Variants in TTC28 observed in about 807,000 individuals in gnomAD.
TTC28 encodes the protein tetratricopeptide repeat domain 28, also known as tetratricopeptide repeat protein 28.
In TTC28, 61 loss-of-function variants were observed where a neutral mutation model predicts 198.0. The ratio of observed to expected loss-of-function variants is 0.31; its 90% CI spans 0.25 to 0.38. The LOEUF (loss-of-function observed/expected upper bound fraction) is 0.38, where lower values mean the gene tolerates loss of function less well. TTC28 is among the 10% of genes least tolerant of loss of function. TTC28 has a pLI of 1.00. For missense variants in TTC28, 2,678 were observed against 3,164.0 expected, an observed-to-expected ratio of 0.85 and a Z score of 3.69; for synonymous variants, 1,171 against 1,297.8, an observed-to-expected ratio of 0.90 and a Z score of 2.10.
At chr22:28,112,713 C>T (rs1942519922) in intron 6 of TTC28, among the ~76,000 whole-genome samples, 1 of 152,196 alleles carries the variant, frequency 6.6e-6, no homozygotes, top group Non-Finnish European at 1.5e-5. Flanking sequence ...AGATAATCTG[C>T]AGATCCTCCT....
At position 28,154,321 on chromosome 22, in the gene TTC28, ATT is replaced by A. The variant is rs10537660; in HGVS notation, c.1441+8769_1441+8770del. Reference sequence around the variant, plus strand: ...TTTGAACATAAAAGAAAAGATGGCCATTTTTTTTTTTTTCTTTTCTTTTCTTT... The same window carrying A: ...TTTGAACATAAAAGAAAAGATGGCCATTTTTTTTTTTCTTTTCTTTTCTTT... On this transcript the variant is annotated intron_variant, in intron 6 of 22. Coordinates refer to ENST00000397906, the MANE Select transcript of TTC28 (RefSeq NM_001145418.2). Among the ~76,000 whole-genome samples, 389 of 137,374 alleles carry A rather than the reference ATT, an allele frequency of 2.8e-3. 3 individuals are homozygous for A. The highest frequency in any genetic ancestry group is 0.014 in the South Asian group (61 of 4,328). 90.1% of individuals were successfully genotyped at this position (137,374 alleles called of 152,430 possible).
At chr22:28,189,081 C>T (rs1046026911) in intron 5 of TTC28, among the ~76,000 whole-genome samples, 15 of 152,104 alleles carry the variant, frequency 9.9e-5, no homozygotes, top group Admixed American at 2.0e-4. Context: ...GCACAGTAAG[C>T]GCATGCCTGT....
chr22:28,280,720 T>C (rs1342641474), intron 5 of TTC28, among the ~76,000 whole-genome samples: 2 of 152,216 alleles, frequency 1.3e-5, no homozygotes, highest in Non-Finnish European at 2.9e-5. Flanking sequence ...TGGGTTTCCA[T>C]TTGATGTCAT....
chr22:28,322,191 C>T (rs2045457397), intron 2 of TTC28, among the ~76,000 whole-genome samples: 1 of 152,076 alleles, frequency 6.6e-6, no homozygotes, highest in Non-Finnish European at 1.5e-5. Context: ...TTTCATGTGC[C>T]TTTAGACAGA....
chr22:28,078,921 A>G (rs1232387785), intron 12 of TTC28, among the ~76,000 whole-genome samples: 2 of 152,188 alleles, frequency 1.3e-5, no homozygotes, highest in Admixed American at 6.5e-5. Context: ...GAGCATGTGG[A>G]TAACTCTAAG....
At chr22:28,038,625 T>C (rs1441475830) in intron 12 of TTC28, among the ~76,000 whole-genome samples, 2 of 152,298 alleles carry the variant, frequency 1.3e-5, no homozygotes, top group Middle Eastern at 3.4e-3. Flanking sequence ...ACTTCATGTC[T>C]AAAACACCAA....
chr22:28,572,597 T>C (rs1415943531), intron 2 of TTC28, among the ~76,000 whole-genome samples: 4 of 152,128 alleles, frequency 2.6e-5, no homozygotes, highest in African/African-American at 9.7e-5. Flanking sequence ...CAGAAGCAGG[T>C]AATATTAATA....
intron 6 of TTC28, among the ~76,000 whole-genome samples, chr22:28,114,805 C>G (rs1415417642): frequency 2.0e-5 from 3 of 152,126 alleles, no homozygotes; most frequent in African/African-American, 7.2e-5. Flanking sequence ...AGGCTAGTCT[C>G]AAACTCTTGG....
chr22:28,254,831 T>C (rs1324909145), intron 5 of TTC28, among the ~76,000 whole-genome samples: 1 of 152,070 alleles, frequency 6.6e-6, no homozygotes, highest in Non-Finnish European at 1.5e-5. Context: ...AGAACTGATA[T>C]TCCCATATAA....
chr22:28,569,567 T>G (rs1199935093), intron 2 of TTC28, among the ~76,000 whole-genome samples: 1 of 151,946 alleles, frequency 6.6e-6, no homozygotes, highest in Non-Finnish European at 1.5e-5. Context: ...CAAGATGGAT[T>G]AAAGACTTAA....
intron 5 of TTC28, among the ~76,000 whole-genome samples, chr22:28,169,145 A>T (rs1222782782): frequency 6.6e-6 from 1 of 152,220 alleles, no homozygotes; most frequent in Non-Finnish European, 1.5e-5. Context: ...ACCAGTTAGA[A>T]TGGCGATCAT....
intron 6 of TTC28, among the ~76,000 whole-genome samples, chr22:28,159,376 C>T (rs1408189074): frequency 6.6e-6 from 1 of 152,146 alleles, no homozygotes. Context: ...GAGCTACCGG[C>T]CGGGCATGGT....
chr22:27,996,080 C>T, intron 17 of TTC28, 55 bp downstream of exon 17: 1 of 1,518,178 alleles, frequency 6.6e-7, no homozygotes. Context: ...TTGCCTTCCC[C>T]TTCTCTCACA....
intron 5 of TTC28, among the ~76,000 whole-genome samples, chr22:28,243,733 C>T (rs1929870769): frequency 6.6e-6 from 1 of 152,016 alleles, no homozygotes; most frequent in Non-Finnish European, 1.5e-5. Context: ...ATGAGAATGT[C>T]CTCTGACACA....
At chr22:28,483,928 T>C (rs2048284502) in intron 2 of TTC28, among the ~76,000 whole-genome samples, 1 of 152,154 alleles carries the variant, frequency 6.6e-6, no homozygotes, top group Admixed American at 6.5e-5. Context: ...GTAATATGAG[T>C]ATATACTGCT....
At chr22:28,363,255 AG>A (rs1224571928) in intron 2 of TTC28, among the ~76,000 whole-genome samples, 1 of 152,174 alleles carries the variant, frequency 6.6e-6, no homozygotes, top group Admixed American at 6.5e-5. Context: ...CATGACTAAA[AG>A]GGGCCAGAGT....
chr22:28,576,432 C>T (rs983761232), intron 2 of TTC28, among the ~76,000 whole-genome samples: 5 of 151,958 alleles, frequency 3.3e-5, no homozygotes, highest in Non-Finnish European at 7.4e-5. Flanking sequence ...GGGTGTGACT[C>T]TGTAGGGTTT....
chr22:28,354,912 C>T (rs1030151386), intron 2 of TTC28, among the ~76,000 whole-genome samples: 5 of 151,460 alleles, frequency 3.3e-5, no homozygotes, highest in Non-Finnish European at 4.4e-5. Flanking sequence ...CATGCTGGTG[C>T]GCTGCACCCA....
At chr22:28,643,875 C>T (rs2051410490) in intron 1 of TTC28, among the ~76,000 whole-genome samples, 3 of 152,146 alleles carry the variant, frequency 2.0e-5, no homozygotes, top group South Asian at 4.1e-4. Context: ...CATATGTTAG[C>T]TGATTTACTC....
Sources: gnomAD v4.1 joint callset for allele counts (sites outside exome capture counted in the v4.1 genomes callset) on GRCh38, gnomAD v4.1.1 for gene constraint, MANE v1.5 for transcripts, NCBI Gene and HGNC (gene_info 2026-07-23, HGNC 2026-07-21) for gene names.